AGBL4: variants seen among roughly 807,000 people sequenced by gnomAD.
The protein encoded by AGBL4 is cytosolic carboxypeptidase 6.
In AGBL4, 58 loss-of-function variants were observed where a neutral mutation model predicts 66.4. That is an observed-to-expected ratio of 0.87 (90% CI 0.71 to 1.09). The LOEUF (loss-of-function observed/expected upper bound fraction) is 1.09. Among genes scored for constraint, AGBL4 ranks in the 50% least tolerant of loss-of-function variants. The pLI, the probability that AGBL4 is intolerant of heterozygous loss-of-function variation, is 0.00. For synonymous variants in AGBL4, 234 were observed against 222.9 expected (o/e 1.05, Z -0.44); for missense variants, 579 against 631.0 (o/e 0.92, Z 0.88).
chr1:49,734,592 A>G (rs1649714551), intron 2 of AGBL4, among the ~76,000 whole-genome samples: 1 of 152,030 alleles, frequency 6.6e-6, no homozygotes, highest in Admixed American at 6.6e-5. Flanking sequence ...AAAGTACAAG[A>G]CTTGTACAAT....
chr1:48,807,126 A>C lies in AGBL4; in HGVS notation c.634+60065T>G, dbSNP rs565015350. Among the ~76,000 whole-genome samples the C allele has an allele frequency of 1.6e-3, 243 of 152,232 alleles. 1 individual carries two copies. The highest frequency in any genetic ancestry group is 3.0e-3 in the Non-Finnish European group (204 of 68,010). On this transcript the variant is annotated intron_variant, in intron 6 of 13. Coordinates refer to ENST00000371839, the MANE Select transcript of AGBL4 (RefSeq NM_032785.4). ...ATTCTGTGATATGCTTTTGACCTTAACCAACCCCGCACTCCCAGGAAGTTT... is the reference window on the plus strand; with the variant it reads ...ATTCTGTGATATGCTTTTGACCTTACCCAACCCCGCACTCCCAGGAAGTTT...
chr1:48,683,587 T>C (rs1343405713), intron 6 of AGBL4, among the ~76,000 whole-genome samples: 2 of 152,188 alleles, frequency 1.3e-5, no homozygotes, highest in Non-Finnish European at 2.9e-5. Context: ...AAAATCTCTT[T>C]CCAGCAACTT....
intron 3 of AGBL4, among the ~76,000 whole-genome samples, chr1:49,424,762 C>T (rs1458353362): frequency 6.6e-6 from 1 of 152,154 alleles, no homozygotes; most frequent in Non-Finnish European, 1.5e-5. Context: ...TTAGAAGGCT[C>T]TTGTGGTCTA....
chr1:49,754,369 C>T (rs1010595368), intron 2 of AGBL4, among the ~76,000 whole-genome samples: 4 of 151,310 alleles, frequency 2.6e-5, no homozygotes, highest in Non-Finnish European at 5.9e-5. Flanking sequence ...CATATGTATA[C>T]ATGTGCATGG....
intron 6 of AGBL4, among the ~76,000 whole-genome samples, chr1:48,777,999 C>T (rs1419780469): frequency 2.0e-5 from 3 of 152,178 alleles, no homozygotes; most frequent in Non-Finnish European, 2.9e-5. Flanking sequence ...AACCCTATCC[C>T]ACATCAGAGG....
At chr1:48,968,742 C>T (rs1001081282) in intron 5 of AGBL4, among the ~76,000 whole-genome samples, 2 of 152,172 alleles carry the variant, frequency 1.3e-5, no homozygotes, top group Admixed American at 1.3e-4. Context: ...CCCAAATTTT[C>T]TACCACCTTC....
At chr1:49,750,997 T>C (rs1482454748) in intron 2 of AGBL4, among the ~76,000 whole-genome samples, 1 of 152,204 alleles carries the variant, frequency 6.6e-6, no homozygotes, top group Non-Finnish European at 1.5e-5. Context: ...GCTGAGATGA[T>C]GGAGTTTTCT....
chr1:48,964,378 G>A (rs1658249647), intron 5 of AGBL4, among the ~76,000 whole-genome samples: 1 of 151,748 alleles, frequency 6.6e-6, no homozygotes, highest in African/African-American at 2.4e-5. Flanking sequence ...ATGGTTGCCA[G>A]CTCAAAATCA....
intron 4 of AGBL4, among the ~76,000 whole-genome samples, chr1:49,077,405 C>T (rs935913648): frequency 2.6e-5 from 4 of 152,152 alleles, no homozygotes; most frequent in Non-Finnish European, 4.4e-5. Context: ...TATTATCTCT[C>T]ATTTGAAATC....
chr1:50,001,581 G>A (rs1007558419), intron 1 of AGBL4, among the ~76,000 whole-genome samples: 4 of 151,770 alleles, frequency 2.6e-5, no homozygotes, highest in African/African-American at 4.8e-5. Context: ...AATTTTAGGA[G>A]CTACGCAAGT....
At chr1:48,617,916 G>A (rs1273675465) in intron 9 of AGBL4, among the ~76,000 whole-genome samples, 1 of 152,174 alleles carries the variant, frequency 6.6e-6, no homozygotes, top group Non-Finnish European at 1.5e-5. Flanking sequence ...CAAGAGATGA[G>A]ACTCTACCTT....
chr1:48,577,500 A>T (rs1644672908), intron 11 of AGBL4, among the ~76,000 whole-genome samples: 1 of 152,154 alleles, frequency 6.6e-6, no homozygotes, highest in South Asian at 2.1e-4. Flanking sequence ...TATGGCCATA[A>T]ACTTGACAAC....
intron 6 of AGBL4, among the ~76,000 whole-genome samples, chr1:48,692,430 C>T (rs772662562): frequency 1.5e-4 from 23 of 152,232 alleles, no homozygotes; most frequent in African/African-American, 2.9e-4. Flanking sequence ...AGGCTGTGCG[C>T]GCCTGTCTGT....
Position 48,736,786 on chromosome 1 carries a change from T to G in AGBL4, c.635-73545A>C, listed in dbSNP as rs1338904957. ...ATCATTCAACTAGTAAGTGGCAGAGTTGATATTCTACACTATACTTAGTTT... is the reference window on the plus strand; with the variant it reads ...ATCATTCAACTAGTAAGTGGCAGAGGTGATATTCTACACTATACTTAGTTT... On this transcript the variant is annotated intron_variant, in intron 6 of 13. Transcript: ENST00000371839. The surrounding 1 kb of genome is among the most constrained non-coding windows in gnomAD (Gnocchi z 4.0). 6.6e-6 allele frequency among the ~76,000 whole-genome samples: 1 copy of G among 152,108 alleles called. No individual in the cohort carries two copies. Among genetic ancestry groups the G allele is most frequent in the South Asian group, 2.1e-4 (1 of 4,822 alleles).
chr1:49,495,953 G>T (rs1179896162), intron 3 of AGBL4, among the ~76,000 whole-genome samples: 1 of 151,976 alleles, frequency 6.6e-6, no homozygotes, highest in Non-Finnish European at 1.5e-5. Context: ...ACATTATAGG[G>T]TATGGACATA....
intron 2 of AGBL4, among the ~76,000 whole-genome samples, chr1:49,770,037 CA>C (rs1372630493): frequency 2.0e-5 from 3 of 152,082 alleles, no homozygotes; most frequent in Non-Finnish European, 4.4e-5. Flanking sequence ...AGACAATCTA[CA>C]GGATGAAAGA....
chr1:48,624,399 A>G (rs1174004694), intron 9 of AGBL4, among the ~76,000 whole-genome samples: 1 of 152,164 alleles, frequency 6.6e-6, no homozygotes, highest in African/African-American at 2.4e-5. Flanking sequence ...TAAGTGTTGG[A>G]CTCTGCCAGG....
chr1:48,937,155 C>T (rs11205574), intron 5 of AGBL4, among the ~76,000 whole-genome samples: 37,245 of 151,994 alleles, frequency 0.25, 5,591 homozygotes, highest in African/African-American at 0.43. Context: ...CCATCTAGGC[C>T]GTTTCTATTA....
At chr1:49,291,291 G>C (rs1045704882) in intron 3 of AGBL4, among the ~76,000 whole-genome samples, 2 of 152,126 alleles carry the variant, frequency 1.3e-5, no homozygotes, top group African/African-American at 4.8e-5. Context: ...TCTGAGAATA[G>C]AAAACAAGGG....
Sources: allele counts gnomAD v4.1 joint callset (sites outside exome capture counted in the v4.1 genomes callset), GRCh38; gene constraint gnomAD v4.1.1; non-coding constraint Gnocchi (gnomAD v3.1); transcripts MANE v1.5; gene names NCBI Gene and HGNC (gene_info 2026-07-23, HGNC 2026-07-21).